TSPAN12: variants seen among roughly 807,000 people sequenced by gnomAD.
TSPAN12 encodes tetraspanin-12.
In TSPAN12, 19 loss-of-function variants were observed where a neutral mutation model predicts 39.2. That is an observed-to-expected ratio of 0.49 (90% confidence interval 0.34 to 0.71). TSPAN12 has a LOEUF of 0.71. Among genes scored for constraint, TSPAN12 ranks in the 30% least tolerant of loss-of-function variants. The probability of loss-of-function intolerance (pLI) is 0.01; values close to 1 mark genes in which losing one functional copy is unlikely to be tolerated. For missense variants in TSPAN12, 314 were observed against 359.9 expected (o/e 0.87, Z 1.03); for synonymous variants, 119 against 124.8 (o/e 0.95, Z 0.31).
chr7:120,799,785 A>G (rs1429981141), intron 7 of TSPAN12, among the ~76,000 whole-genome samples: 2 of 135,422 alleles, frequency 1.5e-5, no homozygotes, highest in Non-Finnish European at 3.1e-5. Flanking sequence ...TAAATTATAT[A>G]TAATAAATAT....
At chr7:120,853,156 C>T (rs531915107) in intron 2 of TSPAN12, among the ~76,000 whole-genome samples, 1 of 149,886 alleles carries the variant, frequency 6.7e-6, no homozygotes, top group Non-Finnish European at 1.5e-5. Context: ...TGCAGTGGGG[C>T]AATCTCTGCT....
At chr7:120,856,903 C>A (rs953160362) in intron 1 of TSPAN12, 70 bp from the exon 2 acceptor site, 17 of 872,746 alleles carry the variant, frequency 1.9e-5, no homozygotes, top group Non-Finnish European at 3.0e-5. Flanking sequence ...GCCCGTCCCT[C>A]CTCCACCCGC....
intron 2 of TSPAN12, among the ~76,000 whole-genome samples, chr7:120,852,689 G>C (rs1048340028): frequency 6.6e-6 from 1 of 152,174 alleles, no homozygotes; most frequent in Non-Finnish European, 1.5e-5. Context: ...CCTTCCTTCT[G>C]AGGATGTTTA....
chr7:120,810,716 C>A, intron 5 of TSPAN12, 146 bp from the exon 6 acceptor site: 1 of 652,632 alleles, frequency 1.5e-6, no homozygotes. Flanking sequence ...TTTATATTTG[C>A]TCATGGCCTA....
intron 7 of TSPAN12, among the ~76,000 whole-genome samples, chr7:120,804,281 G>A (rs1293538848): frequency 2.6e-5 from 4 of 152,050 alleles, no homozygotes; most frequent in Admixed American, 2.6e-4. Context: ...ATGTTTATAT[G>A]TAATACTACC....
intron 4 of TSPAN12, among the ~76,000 whole-genome samples, chr7:120,833,006 A>G (rs1235813835): frequency 6.6e-6 from 1 of 152,132 alleles, no homozygotes; most frequent in Non-Finnish European, 1.5e-5. Flanking sequence ...TGAAACCTGC[A>G]TGGTCTTTCA....
chr7:120,833,575 A>C (rs1486947415), intron 4 of TSPAN12, among the ~76,000 whole-genome samples: 1 of 152,154 alleles, frequency 6.6e-6, no homozygotes, highest in African/African-American at 2.4e-5. Context: ...TGGAAAAATA[A>C]AATTGGAAAA....
intron 4 of TSPAN12, among the ~76,000 whole-genome samples, chr7:120,817,921 G>A (rs193190261): frequency 6.6e-6 from 1 of 152,094 alleles, no homozygotes; most frequent in Non-Finnish European, 1.5e-5. Context: ...GGTGTTCAAC[G>A]AGTATTTGTT....
rs760358739 is a variant in TSPAN12, at chr7:120,815,737, C to G, written c.352G>C (p.Glu118Gln). ...ATCTATTTTGAACTCACCATAAGTT[C>G]CTGTTCATATGTCCAAACGCCACAA... ...LACGVWTYEQ[E>Q]LMVPVQWSDM... The change falls in exon 5 of 8, where the codon GAA (glutamate) becomes CAA (glutamine). Residue 118 changes from glutamate to glutamine, a missense_variant. Coordinates refer to ENST00000222747, the MANE Select transcript of TSPAN12 (RefSeq NM_012338.4). 14 of 1,612,550 alleles carry G rather than the reference C, an allele frequency of 8.7e-6. No individual in the cohort carries two copies. The South Asian group carries it at 1.3e-4, about 15-fold the overall frequency.
intron 5 of TSPAN12, among the ~76,000 whole-genome samples, chr7:120,814,692 G>A (rs922111570): frequency 2.0e-5 from 3 of 152,180 alleles, no homozygotes; most frequent in Non-Finnish European, 4.4e-5. Context: ...CAAGTGGTAA[G>A]CCAAACATGA....
chr7:120,833,004 G>T (rs947753116), intron 4 of TSPAN12, among the ~76,000 whole-genome samples: 3 of 152,110 alleles, frequency 2.0e-5, no homozygotes, highest in East Asian at 1.9e-4. Flanking sequence ...AGTGAAACCT[G>T]CATGGTCTTT....
intron 2 of TSPAN12, among the ~76,000 whole-genome samples, chr7:120,847,662 G>A (rs892773441): frequency 2.0e-5 from 3 of 152,080 alleles, no homozygotes; most frequent in African/African-American, 7.2e-5. Context: ...GCAAGGCGTC[G>A]GGTGAATTCC....
At chr7:120,842,468 T>G (rs1014204702) in intron 2 of TSPAN12, among the ~76,000 whole-genome samples, 6 of 136,352 alleles carry the variant, frequency 4.4e-5, no homozygotes, top group Admixed American at 1.4e-4. Context: ...AAAAAAAAAG[T>G]GCCCTGAAGC....
intron 5 of TSPAN12, among the ~76,000 whole-genome samples, chr7:120,815,097 C>T (rs1477962589): frequency 6.6e-6 from 1 of 152,062 alleles, no homozygotes; most frequent in East Asian, 1.9e-4. Context: ...TATATTTAGT[C>T]TATGATACCC....
intron 4 of TSPAN12, among the ~76,000 whole-genome samples, chr7:120,833,047 C>A (rs2116444384): frequency 6.6e-6 from 1 of 152,168 alleles, no homozygotes; most frequent in East Asian, 1.9e-4. Context: ...CTAACAACTA[C>A]CAGCTGTGTA....
chr7:120,824,171 C>T (rs1794239117), intron 4 of TSPAN12, among the ~76,000 whole-genome samples: 1 of 151,854 alleles, frequency 6.6e-6, no homozygotes, highest in Non-Finnish European at 1.5e-5. Flanking sequence ...TGCAATATTG[C>T]CCATTAAAAC....
intron 6 of TSPAN12, among the ~76,000 whole-genome samples, chr7:120,808,419 G>A (rs1011873422): frequency 1.4e-4 from 22 of 151,912 alleles, no homozygotes; most frequent in African/African-American, 4.6e-4. Context: ...ATATTACTGT[G>A]GTCTACATCT....
chr7:120,855,742 A>G (rs899723061), intron 2 of TSPAN12, among the ~76,000 whole-genome samples: 2 of 152,224 alleles, frequency 1.3e-5, no homozygotes, highest in African/African-American at 4.8e-5. Flanking sequence ...CCTAAATGTC[A>G]TCTTCTAGAG....
At chr7:120,846,780 C>T (rs368520952) in intron 2 of TSPAN12, among the ~76,000 whole-genome samples, 20 of 152,306 alleles carry the variant, frequency 1.3e-4, no homozygotes, top group African/African-American at 4.6e-4. Context: ...CTGTAACAAG[C>T]GCTGAGAAGA....
Sources: gnomAD v4.1 joint callset for allele counts (sites outside exome capture counted in the v4.1 genomes callset) on GRCh38, gnomAD v4.1.1 for gene constraint, MANE v1.5 for transcripts, NCBI Gene and HGNC (gene_info 2026-07-23, HGNC 2026-07-21) for gene names.